The following TMEM63A variants were observed in gnomAD, a reference collection of about 807,000 sequenced individuals.
The protein encoded by TMEM63A is transmembrane protein 63A.
In TMEM63A, 76 loss-of-function variants were observed where a neutral mutation model predicts 100.6. The observed-to-expected ratio is 0.76, with a 90% CI of 0.63 to 0.91. TMEM63A has a LOEUF of 0.91. Among genes scored for constraint, TMEM63A ranks in the 40% least tolerant of loss-of-function variants. TMEM63A has a pLI of 0.00. For synonymous variants in TMEM63A, 401 were observed against 401.1 expected, an observed-to-expected ratio of 1.00 and a Z score of 0.00; for missense variants, 876 against 1,008.8, an observed-to-expected ratio of 0.87 and a Z score of 1.78.
intron 23 of TMEM63A, chr1:225,847,496 C>T (rs1458855813): frequency 3.0e-6 from 1 of 330,004 alleles, no homozygotes; most frequent in East Asian, 5.4e-5. Flanking sequence ...GCCCTGGATC[C>T]TAGGAGGATT....
At chr1:225,850,682 C>T (rs1271195635) in intron 20 of TMEM63A, among the ~76,000 whole-genome samples, 3 of 152,156 alleles carry the variant, frequency 2.0e-5, no homozygotes, top group Non-Finnish European at 4.4e-5. Flanking sequence ...GCCCCTTAGC[C>T]GCACTGACAG....
intron 3 of TMEM63A, among the ~76,000 whole-genome samples, chr1:225,875,055 A>G (rs1670709365): frequency 6.6e-6 from 1 of 152,222 alleles, no homozygotes; most frequent in Admixed American, 6.5e-5. Context: ...TTTAAATTAC[A>G]GAACCAAGGT....
chr1:225,865,968 C>A lies in TMEM63A; in HGVS notation c.676-1G>T, dbSNP rs780648189. ...CTGTGATGAACAGGGTCCGCCTCAC[C>A]TGTCCGGGAAATACAGCAGGGAGAG... On this transcript the variant is annotated splice_acceptor_variant, in intron 9 of 24. Transcript: ENST00000366835. LOFTEE classifies it high-confidence loss of function. The surrounding 1 kb of genome is among the most constrained non-coding windows in gnomAD (Gnocchi z 4.6). 1 of 1,613,708 alleles carries A rather than the reference C, an allele frequency of 6.2e-7. No individual in the cohort carries two copies. Among genetic ancestry groups the A allele is most frequent in the Non-Finnish European group, 8.5e-7 (1 of 1,179,844 alleles).
Position 225,865,898 on chromosome 1 carries a change from G to C in TMEM63A, c.745C>G (p.Arg249Gly). 6.2e-7 allele frequency: 1 copy of C among 1,613,862 alleles called. No homozygotes were observed. The highest frequency in any genetic ancestry group is 8.5e-7 in the Non-Finnish European group (1 of 1,179,918). ...TCCCCTCCCACCCCACCTGCTTACC[G>C]GAAGTGGCTCTCCACAGTCTCCTTC... Reference protein sequence around the residue: ...ARKETVESHFRDAYPTCEVVD... With the variant: ...ARKETVESHFGDAYPTCEVVD... The change falls in exon 10 of 25, where the codon CGG (arginine) becomes GGG (glycine). Residue 249 changes from arginine to glycine, a missense_variant and splice_region_variant. Arg to Gly is a moderately radical substitution (Grantham distance 125). Transcript: ENST00000366835. The surrounding 1 kb of genome is among the most constrained non-coding windows in gnomAD (Gnocchi z 4.6).
intron 6 of TMEM63A, among the ~76,000 whole-genome samples, chr1:225,869,047 G>A (rs561620817): frequency 3.3e-5 from 5 of 152,224 alleles, no homozygotes; most frequent in African/African-American, 1.2e-4. Context: ...AAGAGCTCAG[G>A]GGGGCAAGGG....
chr1:225,856,785 T>C (rs1033467781), intron 16 of TMEM63A, 47 bp from the exon 17 acceptor site: 12 of 1,598,718 alleles, frequency 7.5e-6, no homozygotes, highest in Non-Finnish European at 8.5e-6. Context: ...AAATGCTCTA[T>C]GTGCCCCCAG....
chr1:225,851,550 A>G (rs1356521750), intron 20 of TMEM63A, among the ~76,000 whole-genome samples: 1 of 151,996 alleles, frequency 6.6e-6, no homozygotes, highest in Non-Finnish European at 1.5e-5. Context: ...TTGTATTTTT[A>G]GTAGGGACAG....
intron 15 of TMEM63A, among the ~76,000 whole-genome samples, chr1:225,858,010 G>T (rs928767556): frequency 2.6e-5 from 4 of 152,186 alleles, no homozygotes; most frequent in Admixed American, 1.3e-4. Flanking sequence ...CTCACGCCCT[G>T]TATAATAGTG....
chr1:225,866,384 A>G, intron 9 of TMEM63A, 190 bp downstream of exon 9: 1 of 582,506 alleles, frequency 1.7e-6, no homozygotes, highest in Non-Finnish European at 3.0e-6. Flanking sequence ...CAAATCTTGA[A>G]ACAATCCACC....
intron 20 of TMEM63A, among the ~76,000 whole-genome samples, chr1:225,851,587 C>G (rs1322220084): frequency 1.3e-5 from 2 of 152,046 alleles, no homozygotes; most frequent in Non-Finnish European, 2.9e-5. Flanking sequence ...CCAGGTTGTT[C>G]TTGAACTTTT....
chr1:225,873,720 G>A (rs751010629), intron 4 of TMEM63A, among the ~76,000 whole-genome samples: 4 of 152,206 alleles, frequency 2.6e-5, no homozygotes, highest in African/African-American at 7.2e-5. Flanking sequence ...ATCCAAACCC[G>A]GCGCTGACCT....
chr1:225,843,804 C>T (rs748634238), downstream of TMEM63A, among the ~76,000 whole-genome samples: 14 of 152,236 alleles, frequency 9.2e-5, no homozygotes, highest in Non-Finnish European at 1.9e-4. Flanking sequence ...TGCAGAAATC[C>T]AGTTCACAGA....
Position 225,845,592 on chromosome 1 carries a change from C to T in TMEM63A, c.*1347G>A, listed in dbSNP as rs746171829. The T allele has an allele frequency of 4.7e-5, 27 of 571,816 alleles. No homozygotes were observed. The highest frequency in any genetic ancestry group is 4.7e-4 in the Middle Eastern group (1 of 2,136). The allele number at this position is 571,816 out of a possible 1,614,324, so 35.4% of individuals were successfully genotyped here. The stretch of plus-strand genomic sequence containing the variant: ...GCTGGAACTCAGTGACATGAGCGTG[C>T]GCTGACCCCACATGGGGCCCCCTGT... On this transcript the variant is annotated 3_prime_UTR_variant, in exon 25 of 25. Transcript: ENST00000366835.
chr1:225,856,764 C>G, intron 16 of TMEM63A, 26 bp from the exon 17 acceptor site: 1 of 1,608,274 alleles, frequency 6.2e-7, no homozygotes. Context: ...GGTGAGCACT[C>G]GCAGTCCCCC....
intron 6 of TMEM63A, among the ~76,000 whole-genome samples, chr1:225,870,580 GTAT>G (rs562507921): frequency 1.1e-4 from 16 of 152,064 alleles, no homozygotes; most frequent in Non-Finnish European, 2.2e-4. Context: ...TGAATTGAAT[GTAT>G]TATATTTCTT....
At chr1:225,845,363 C>A (rs753297238), downstream of TMEM63A, 22 of 1,563,606 alleles carry the variant, frequency 1.4e-5, no homozygotes, top group South Asian at 2.2e-4. Flanking sequence ...CCCTCTCCCC[C>A]CGCCTGCCAC....
At chr1:225,859,111 C>A (rs554026412) in intron 15 of TMEM63A, 85 bp downstream of exon 15, 1 of 1,585,610 alleles carries the variant, frequency 6.3e-7, no homozygotes, top group South Asian at 1.1e-5. Context: ...GCACACACCC[C>A]ACTCCTGTCC....
chr1:225,868,086 C>T (rs1374078246), intron 6 of TMEM63A, 56 bp from the exon 7 acceptor site: 1 of 1,599,658 alleles, frequency 6.3e-7, no homozygotes, highest in African/African-American at 1.3e-5. Flanking sequence ...CGGGGCTCTG[C>T]ATGAAGTGTC....
chr1:225,866,546 A>T, intron 9 of TMEM63A, 28 bp downstream of exon 9: 1 of 1,604,002 alleles, frequency 6.2e-7, no homozygotes, highest in South Asian at 1.1e-5. Flanking sequence ...CCCTCCCAGC[A>T]CATGTCCCTA....
Sources: allele counts gnomAD v4.1 joint callset (sites outside exome capture counted in the v4.1 genomes callset), GRCh38; gene constraint gnomAD v4.1.1; non-coding constraint Gnocchi (gnomAD v3.1); transcripts MANE v1.5; gene names NCBI Gene and HGNC (gene_info 2026-07-23, HGNC 2026-07-21).